The following MEI4 variants were observed in gnomAD, a reference collection of about 807,000 sequenced individuals.
The protein encoded by MEI4 is meiosis-specific protein MEI4.
Under a neutral mutation model 31.4 loss-of-function variants are expected in MEI4, and 27 were observed. The observed-to-expected ratio is 0.86, with a 90% CI of 0.63 to 1.19. The LOEUF (loss-of-function observed/expected upper bound fraction) is 1.19. MEI4 is among the 50% of genes most tolerant of loss of function. MEI4 has a pLI of 0.00. For synonymous variants in MEI4, 122 were observed against 145.4 expected, an observed-to-expected ratio of 0.84 and a Z score of 1.16; for missense variants, 329 against 398.9, an observed-to-expected ratio of 0.82 and a Z score of 1.49.
At chr6:77,767,316 G>T (rs1451569512) in intron 3 of MEI4, among the ~76,000 whole-genome samples, 2 of 151,730 alleles carry the variant, frequency 1.3e-5, no homozygotes, top group African/African-American at 4.8e-5. Context: ...GGAGGCAGAG[G>T]TGACAGTGAG....
rs531133660 is a variant in MEI4 at position 77,726,475 on chromosome 6, A to T, written c.233-34655A>T. Among the ~76,000 whole-genome samples, 3 of 152,342 alleles carry T rather than the reference A, an allele frequency of 2.0e-5. No individual in the cohort carries two copies. The East Asian group carries it at 5.8e-4, about 29-fold the overall frequency. On this transcript the variant is annotated intron_variant, in intron 2 of 4. Transcript: ENST00000684080. ...GGTTAGGGATTTTCAGAGAAGAGAC[A>T]GCATGTGAACAAGGAAGCGTAGAGC...
intron 1 of MEI4, among the ~76,000 whole-genome samples, chr6:77,653,744 T>C (rs551223905): frequency 2.6e-5 from 4 of 152,258 alleles, no homozygotes; most frequent in Admixed American, 2.6e-4. Flanking sequence ...AAGCTGTTAA[T>C]AGAAGATAGT....
chr6:77,925,679 C>T lies in MEI4; in HGVS notation c.*2333C>T, dbSNP rs1254209991. The T allele has an allele frequency of 1.3e-5, 2 of 150,482 alleles. No homozygotes were observed. Among genetic ancestry groups the T allele is most frequent in the Non-Finnish European group, 3.0e-5 (2 of 67,520 alleles). The allele number at this position is 150,482 out of a possible 1,614,324, so 9.3% of individuals were successfully genotyped here. ...AGATAGGATAGGAAATAAAGAGAAC[C>T]ATAGAATGATCATAAAAATGAAGCA... On this transcript the variant is annotated 3_prime_UTR_variant, in exon 5 of 5. Coordinates refer to ENST00000684080, the MANE Select transcript of MEI4 (RefSeq NM_001322247.2).
At chr6:77,875,120 T>C (rs1477152626) in intron 4 of MEI4, among the ~76,000 whole-genome samples, 4 of 152,214 alleles carry the variant, frequency 2.6e-5, no homozygotes, top group African/African-American at 9.6e-5. Flanking sequence ...GTGGTTACTC[T>C]CAAGGCCTTC....
In MEI4 at chr6:77,925,217, G is replaced by C. The variant is rs1427439061; in HGVS notation, c.*1871G>C. 6.6e-6 allele frequency: 1 copy of C among 151,820 alleles called. No homozygotes were observed. The highest frequency in any genetic ancestry group is 2.1e-4 in the South Asian group (1 of 4,832). 9.4% of individuals were successfully genotyped at this position (151,820 alleles called of 1,614,324 possible). ...TTTATTAATTTCAGTGGTCTCCAAG[G>C]CTTCAAGGTCTGAAAATTAGCCTAG... is the stretch of plus-strand genomic sequence containing the variant. On this transcript the variant is annotated 3_prime_UTR_variant, in exon 5 of 5. Transcript: ENST00000684080.
At chr6:77,752,145 A>G (rs1331901559) in intron 2 of MEI4, among the ~76,000 whole-genome samples, 2 of 152,148 alleles carry the variant, frequency 1.3e-5, no homozygotes, top group South Asian at 2.1e-4. Context: ...ATTTATGACA[A>G]ACCCACAGCC....
intron 1 of MEI4, among the ~76,000 whole-genome samples, chr6:77,685,440 G>A (rs1429322126): frequency 6.6e-6 from 1 of 151,038 alleles, no homozygotes; most frequent in Non-Finnish European, 1.5e-5. Flanking sequence ...TGTATATTTT[G>A]GATGTTAACC....
chr6:77,731,726 T>A (rs1322402346), intron 2 of MEI4, among the ~76,000 whole-genome samples: 1 of 151,482 alleles, frequency 6.6e-6, no homozygotes, highest in Non-Finnish European at 1.5e-5. Flanking sequence ...TGAATAGTAA[T>A]GCTTAGGTTT....
At chr6:77,704,426 C>G (rs1766288039) in intron 2 of MEI4, among the ~76,000 whole-genome samples, 1 of 152,142 alleles carries the variant, frequency 6.6e-6, no homozygotes, top group Non-Finnish European at 1.5e-5. Context: ...AATAAGTTAT[C>G]TAAAAGGTTA....
At chr6:77,696,073 C>G (rs566759468) in intron 2 of MEI4, among the ~76,000 whole-genome samples, 9 of 151,788 alleles carry the variant, frequency 5.9e-5, no homozygotes, top group Non-Finnish European at 7.4e-5. Context: ...TTTGTCTGTT[C>G]TTGGTGTATA....
chr6:77,835,403 C>CACACAA (rs1554168181), intron 4 of MEI4, among the ~76,000 whole-genome samples: 18 of 91,896 alleles, frequency 2.0e-4, no homozygotes, highest in East Asian at 8.0e-4. Flanking sequence ...CACACACACA[C>CACACAA]AAATAAAAAA....
chr6:77,775,718 T>G (rs149905326), intron 3 of MEI4, among the ~76,000 whole-genome samples: 1 of 152,172 alleles, frequency 6.6e-6, no homozygotes, highest in Non-Finnish European at 1.5e-5. Context: ...TAACCAGTAG[T>G]AGGATTGCTG....
chr6:77,674,474 T>A (rs1356507639), intron 1 of MEI4, among the ~76,000 whole-genome samples: 1 of 152,194 alleles, frequency 6.6e-6, no homozygotes. Flanking sequence ...TATGTTCAGA[T>A]CTACAAATAC....
chr6:77,913,149 C>T (rs1051012362), intron 4 of MEI4, among the ~76,000 whole-genome samples: 29 of 152,048 alleles, frequency 1.9e-4, no homozygotes, highest in African/African-American at 5.8e-4. Flanking sequence ...TACTTGATCG[C>T]AGTGTATTTT....
intron 4 of MEI4, among the ~76,000 whole-genome samples, chr6:77,866,878 T>C (rs986282863): frequency 1.3e-5 from 2 of 152,140 alleles, no homozygotes; most frequent in East Asian, 1.9e-4. Flanking sequence ...AACAGAGATA[T>C]AGACCAATGG....
intron 1 of MEI4, among the ~76,000 whole-genome samples, chr6:77,686,346 GGTCA>G (rs1369420759): frequency 3.3e-5 from 5 of 151,980 alleles, no homozygotes; most frequent in Admixed American, 3.3e-4. Context: ...CTTTTATTTT[GGTCA>G]GTAAGTCTGT....
chr6:77,907,989 T>TG (rs1171180088), intron 4 of MEI4, among the ~76,000 whole-genome samples: 30 of 126,594 alleles, frequency 2.4e-4, no homozygotes, highest in South Asian at 9.3e-4. Context: ...CACTTGTTGA[T>TG]GGGGTTTTTT....
chr6:77,690,574 C>A, intron 1 of MEI4, 84 bp from the exon 2 acceptor site: 1 of 579,876 alleles, frequency 1.7e-6, no homozygotes, highest in Non-Finnish European at 2.5e-6. Context: ...ATTAATGTTA[C>A]TCTGCAAAAT....
intron 2 of MEI4, among the ~76,000 whole-genome samples, chr6:77,742,841 C>T (rs529751626): frequency 3.9e-5 from 6 of 152,044 alleles, no homozygotes; most frequent in Non-Finnish European, 7.3e-5. Flanking sequence ...CTACATATGG[C>T]TAGCCAGTTT....
Sources: gnomAD v4.1 joint callset for allele counts (sites outside exome capture counted in the v4.1 genomes callset) on GRCh38, gnomAD v4.1.1 for gene constraint, MANE v1.5 for transcripts, NCBI Gene and HGNC (gene_info 2026-07-23, HGNC 2026-07-21) for gene names.